CTNND2: variants seen among roughly 807,000 people sequenced by gnomAD.
CTNND2 encodes catenin delta 2.
A neutral mutation model predicts 144.4 loss-of-function variants in CTNND2; 22 were observed. The observed-to-expected ratio is 0.15, with a 90% CI of 0.11 to 0.22. The LOEUF (loss-of-function observed/expected upper bound fraction) is 0.22, where lower values mean the gene tolerates loss of function less well. CTNND2 is among the 10% of genes least tolerant of loss of function. The pLI is 1.00. For synonymous variants in CTNND2, 751 were observed against 695.6 expected (o/e 1.08, Z -1.25); for missense variants, 1,353 against 1,618.8 (o/e 0.84, Z 2.82).
At chr5:11,477,323 C>CAT (rs1234943054) in intron 3 of CTNND2, among the ~76,000 whole-genome samples, 1 of 150,726 alleles carries the variant, frequency 6.6e-6, no homozygotes, top group Non-Finnish European at 1.5e-5. Context: ...ACACAGCAGA[C>CAT]ATATACCTGT....
At chr5:11,276,928 G>T (rs1746597065) in intron 9 of CTNND2, among the ~76,000 whole-genome samples, 1 of 152,172 alleles carries the variant, frequency 6.6e-6, no homozygotes, top group Admixed American at 6.5e-5. Flanking sequence ...GCTTTCCAAG[G>T]GCGTGGGCCT....
intron 1 of CTNND2, among the ~76,000 whole-genome samples, chr5:11,746,482 T>TA (rs34603577): frequency 0.023 from 3,553 of 152,084 alleles, 54 homozygotes; most frequent in Middle Eastern, 0.054. Flanking sequence ...CTTCTGGGAT[T>TA]AAAAAAAACT....
intron 1 of CTNND2, among the ~76,000 whole-genome samples, chr5:11,766,166 T>C (rs1258778421): frequency 6.6e-6 from 1 of 152,228 alleles, no homozygotes; most frequent in Admixed American, 6.5e-5. Context: ...TTACATATAC[T>C]TGCATTGTCA....
At chr5:11,079,939 C>T (rs1306910795) in intron 16 of CTNND2, among the ~76,000 whole-genome samples, 2 of 151,922 alleles carry the variant, frequency 1.3e-5, no homozygotes, top group African/African-American at 4.8e-5. Flanking sequence ...GATTTGACTC[C>T]AAAAGCTCAT....
intron 1 of CTNND2, among the ~76,000 whole-genome samples, chr5:11,900,196 T>G (rs1408197890): frequency 2.0e-5 from 3 of 152,214 alleles, no homozygotes; most frequent in African/African-American, 7.2e-5. Context: ...AGTCATTATT[T>G]CCAATTTGTC....
At chr5:11,360,568 T>C (rs1756347413) in intron 8 of CTNND2, among the ~76,000 whole-genome samples, 1 of 152,136 alleles carries the variant, frequency 6.6e-6, no homozygotes. Context: ...TACCTTCCCT[T>C]GGTGTGATTC....
chr5:11,446,181 C>T (rs1445423116), intron 3 of CTNND2, among the ~76,000 whole-genome samples: 1 of 152,220 alleles, frequency 6.6e-6, no homozygotes, highest in African/African-American at 2.4e-5. Context: ...CCATATTGGT[C>T]AGGCTGATCT....
chr5:11,847,652 A>T (rs1794811075), intron 1 of CTNND2, among the ~76,000 whole-genome samples: 1 of 152,174 alleles, frequency 6.6e-6, no homozygotes, highest in African/African-American at 2.4e-5. Context: ...TAAAGAAGTG[A>T]TAAATGTAAA....
intron 3 of CTNND2, among the ~76,000 whole-genome samples, chr5:11,530,393 C>T (rs1258340842): frequency 1.3e-5 from 2 of 152,164 alleles, no homozygotes; most frequent in Admixed American, 6.5e-5. Context: ...CCAGCAAATG[C>T]AAAAGGTCTC....
At chr5:11,552,487 T>C (rs1775849506) in intron 3 of CTNND2, among the ~76,000 whole-genome samples, 1 of 152,192 alleles carries the variant, frequency 6.6e-6, no homozygotes, top group African/African-American at 2.4e-5. Flanking sequence ...TTTACTAAAG[T>C]TCAATTAATG....
Position 11,214,606 on chromosome 5 carries a change from T to C in CTNND2, c.1762-14945A>G, listed in dbSNP as rs367823733. Among the ~76,000 whole-genome samples, 17 of 152,310 alleles carry C rather than the reference T, an allele frequency of 1.1e-4. No individual in the cohort carries two copies. The South Asian group carries it at 3.1e-3, about 28-fold the overall frequency. ...AACATACGTAACCAATCAGATCATGTTGATCACTGCTCAAAATCCTCTAAT... is the reference window on the plus strand; with the variant it reads ...AACATACGTAACCAATCAGATCATGCTGATCACTGCTCAAAATCCTCTAAT... On this transcript the variant is annotated intron_variant, in intron 10 of 21. Coordinates refer to ENST00000304623, the MANE Select transcript of CTNND2 (RefSeq NM_001332.4).
intron 10 of CTNND2, among the ~76,000 whole-genome samples, chr5:11,224,687 G>C (rs1740143906): frequency 6.6e-6 from 1 of 152,122 alleles, no homozygotes; most frequent in South Asian, 2.1e-4. Flanking sequence ...ATCTTGCCTT[G>C]TGGCTCCTGG....
At chr5:11,526,872 T>C (rs1234586929) in intron 3 of CTNND2, among the ~76,000 whole-genome samples, 2 of 149,748 alleles carry the variant, frequency 1.3e-5, no homozygotes, top group South Asian at 2.2e-4. Flanking sequence ...GAAGAAAATA[T>C]GGTCTGTCCA....
chr5:11,778,343 A>C (rs1288423448), intron 1 of CTNND2, among the ~76,000 whole-genome samples: 2 of 152,080 alleles, frequency 1.3e-5, no homozygotes, highest in Non-Finnish European at 2.9e-5. Flanking sequence ...GGAAGAAGAC[A>C]GGTGTGAGAA....
chr5:11,149,040 C>G (rs778157681), intron 12 of CTNND2, among the ~76,000 whole-genome samples: 8 of 152,212 alleles, frequency 5.3e-5, no homozygotes, highest in Admixed American at 1.3e-4. Context: ...AGAAACTCAG[C>G]GCTGCTTCCG....
intron 10 of CTNND2, among the ~76,000 whole-genome samples, chr5:11,212,758 A>T (rs1281291911): frequency 2.0e-5 from 3 of 152,092 alleles, no homozygotes; most frequent in African/African-American, 4.8e-5. Flanking sequence ...AAGGCTGGAG[A>T]GTGGGAGCTG....
intron 3 of CTNND2, among the ~76,000 whole-genome samples, chr5:11,500,203 A>G (rs1256032573): frequency 6.6e-6 from 1 of 152,188 alleles, no homozygotes; most frequent in Non-Finnish European, 1.5e-5. Context: ...TCTGAAGAGT[A>G]GGTAGGCCGT....
chr5:11,493,399 G>A (rs1349756883), intron 3 of CTNND2, among the ~76,000 whole-genome samples: 1 of 152,178 alleles, frequency 6.6e-6, no homozygotes, highest in Non-Finnish European at 1.5e-5. Context: ...GCACTTCTGA[G>A]AAAGATTTCA....
intron 12 of CTNND2, among the ~76,000 whole-genome samples, chr5:11,148,995 A>G (rs1156853814): frequency 6.6e-6 from 1 of 152,216 alleles, no homozygotes; most frequent in Non-Finnish European, 1.5e-5. Flanking sequence ...CTGCCTGCAG[A>G]GGAGAAATCA....
Sources: gnomAD v4.1 joint callset for allele counts (sites outside exome capture counted in the v4.1 genomes callset) on GRCh38, gnomAD v4.1.1 for gene constraint, MANE v1.5 for transcripts, NCBI Gene and HGNC (gene_info 2026-07-23, HGNC 2026-07-21) for gene names.